ESRRG: variants seen among roughly 807,000 people sequenced by gnomAD.
ESRRG encodes estrogen-related receptor gamma.
In ESRRG, 13 loss-of-function variants were observed where a neutral mutation model predicts 44.0. The ratio of observed to expected loss-of-function variants is 0.30; its 90% CI spans 0.19 to 0.47. ESRRG has a LOEUF of 0.47. Ranked by LOEUF, ESRRG falls within the 20% of genes least tolerant of loss-of-function variation. The pLI is 1.00. For synonymous variants in ESRRG, 215 were observed against 214.6 expected (o/e 1.00, Z -0.02); for missense variants, 395 against 580.6 (o/e 0.68, Z 3.29).
At chr1:216,883,386 GAAAAAAAAAAAAA>G (rs11318094) in intron 2 of ESRRG, among the ~76,000 whole-genome samples, 15 of 75,842 alleles carry the variant, frequency 2.0e-4, no homozygotes, top group East Asian at 3.4e-4. Context: ...ACTTCTCTGA[GAAAAAAAAAAAAA>G]AAAAAAAAAA....
intron 1 of ESRRG, among the ~76,000 whole-genome samples, chr1:216,720,503 A>C (rs1431114635): frequency 2.0e-5 from 3 of 152,086 alleles, no homozygotes; most frequent in Admixed American, 2.0e-4. Flanking sequence ...ATCACATCTA[A>C]AGTGACTTGG....
chr1:216,774,830 G>A (rs2093537220), intron 2 of ESRRG, among the ~76,000 whole-genome samples: 1 of 90,196 alleles, frequency 1.1e-5, no homozygotes, highest in African/African-American at 5.2e-5. Context: ...ATCTTGCTCT[G>A]TCAACCAGGC....
intron 1 of ESRRG, among the ~76,000 whole-genome samples, chr1:217,062,477 A>G (rs915864371): frequency 6.6e-6 from 1 of 152,164 alleles, no homozygotes; most frequent in African/African-American, 2.4e-5. Flanking sequence ...GTCTCTTTAC[A>G]TTTGAGATCA....
At chr1:217,111,241 C>T (rs762513421) in intron 1 of ESRRG, among the ~76,000 whole-genome samples, 1 of 152,062 alleles carries the variant, frequency 6.6e-6, no homozygotes, top group Admixed American at 6.6e-5. Context: ...CCAGTAAGTC[C>T]CCAGGGCAGG....
intron 3 of ESRRG, among the ~76,000 whole-genome samples, chr1:216,635,459 A>G (rs2065100991): frequency 6.6e-6 from 1 of 152,222 alleles, no homozygotes; most frequent in Non-Finnish European, 1.5e-5. Flanking sequence ...TTCTTCACCT[A>G]TAATATACCT....
rs111254992 is a variant in ESRRG, at chr1:216,759,612, T to C, written c.-13-82121A>G. On this transcript the variant is annotated intron_variant, in intron 2 of 7. Transcript: ENST00000359162. ...AAAATCTGAAGCTCCTTACATAGTA[T>C]TGAGTAGCCACTCAGTCAGCTGATA... Among the ~76,000 whole-genome samples, 1,257 of 152,260 alleles carry C rather than the reference T, an allele frequency of 8.3e-3. 9 individuals carry two copies. The highest frequency in any genetic ancestry group is 0.014 in the Middle Eastern group (4 of 294).
At chr1:217,067,514 G>A (rs1420729905) in intron 1 of ESRRG, among the ~76,000 whole-genome samples, 1 of 149,242 alleles carries the variant, frequency 6.7e-6, no homozygotes, top group African/African-American at 2.4e-5. Context: ...ACAAACAGTT[G>A]ACATCTATAT....
At chr1:216,906,867 T>C (rs2059738913) in intron 2 of ESRRG, among the ~76,000 whole-genome samples, 1 of 152,224 alleles carries the variant, frequency 6.6e-6, no homozygotes, top group African/African-American at 2.4e-5. Context: ...AGATCATGTT[T>C]CTAAAACAAG....
At chr1:216,968,816 T>A (rs2071020750) in intron 1 of ESRRG, among the ~76,000 whole-genome samples, 1 of 152,052 alleles carries the variant, frequency 6.6e-6, no homozygotes, top group Non-Finnish European at 1.5e-5. Flanking sequence ...TGGCAAGAGC[T>A]GACATTTGGC....
chr1:216,609,276 G>A (rs1039616991), intron 3 of ESRRG, among the ~76,000 whole-genome samples: 2 of 152,136 alleles, frequency 1.3e-5, no homozygotes, highest in African/African-American at 4.8e-5. Flanking sequence ...TCTAGAATGT[G>A]GCTTTTGTTT....
chr1:216,616,916 A>G (rs930991187), intron 3 of ESRRG, among the ~76,000 whole-genome samples: 4 of 152,182 alleles, frequency 2.6e-5, no homozygotes, highest in African/African-American at 9.7e-5. Flanking sequence ...ATATGCATAG[A>G]CAGCTAATCC....
At chr1:216,723,193 A>G in intron 1 of ESRRG, 51 bp downstream of exon 1, 1 of 863,456 alleles carries the variant, frequency 1.2e-6, no homozygotes, top group Non-Finnish European at 1.8e-6. Flanking sequence ...GTCCGCCCCC[A>G]CCCCCGCACC....
chr1:216,740,964 AT>A (rs1269338709), intron 2 of ESRRG, among the ~76,000 whole-genome samples: 1 of 151,814 alleles, frequency 6.6e-6, no homozygotes, highest in African/African-American at 2.4e-5. Context: ...ATTGGGCAGA[AT>A]TTAAAGTGTT....
chr1:216,955,115 C>A (rs1159351910), intron 1 of ESRRG, among the ~76,000 whole-genome samples: 2 of 152,028 alleles, frequency 1.3e-5, no homozygotes, highest in Non-Finnish European at 2.9e-5. Flanking sequence ...TGATATCTAA[C>A]CTACAGTGCT....
chr1:217,061,080 A>T (rs1379478404), intron 1 of ESRRG, among the ~76,000 whole-genome samples: 1 of 152,096 alleles, frequency 6.6e-6, no homozygotes, highest in East Asian at 1.9e-4. Flanking sequence ...CCCCAAAAAA[A>T]GTCTTAAGTT....
At chr1:216,991,401 T>C (rs1027837213) in intron 1 of ESRRG, among the ~76,000 whole-genome samples, 5 of 152,104 alleles carry the variant, frequency 3.3e-5, no homozygotes, top group Admixed American at 3.3e-4. Context: ...GCTGTTATCA[T>C]CCATCATTGC....
At chr1:216,609,721 T>C (rs1371167935) in intron 3 of ESRRG, among the ~76,000 whole-genome samples, 1 of 152,162 alleles carries the variant, frequency 6.6e-6, no homozygotes, top group Non-Finnish European at 1.5e-5. Flanking sequence ...TAATCTGCCA[T>C]GAAAAAGACA....
intron 1 of ESRRG, among the ~76,000 whole-genome samples, chr1:217,088,812 C>T (rs766960133): frequency 6.6e-6 from 1 of 152,040 alleles, no homozygotes; most frequent in Non-Finnish European, 1.5e-5. Context: ...GTCTCTGAGA[C>T]TCTCCCATCA....
chr1:216,669,648 G>T (rs1033992864), intron 2 of ESRRG, among the ~76,000 whole-genome samples: 1 of 152,244 alleles, frequency 6.6e-6, no homozygotes, highest in Non-Finnish European at 1.5e-5. Context: ...CACTTGGGGA[G>T]GCCAAGGTGG....
Sources: allele counts gnomAD v4.1 joint callset (sites outside exome capture counted in the v4.1 genomes callset), GRCh38; gene constraint gnomAD v4.1.1; transcripts MANE v1.5; gene names NCBI Gene and HGNC (gene_info 2026-07-23, HGNC 2026-07-21).